Variants in TRPM3 observed in about 807,000 individuals in gnomAD.
TRPM3 encodes long transient receptor potential channel 3.
A neutral mutation model predicts 181.2 loss-of-function variants in TRPM3; 77 were observed. The observed-to-expected ratio is 0.42, with a 90% CI of 0.35 to 0.51. The LOEUF (loss-of-function observed/expected upper bound fraction) is 0.51. TRPM3 is among the 20% of genes least tolerant of loss of function. The pLI, the probability that TRPM3 is intolerant of heterozygous loss-of-function variation, is 0.01. For synonymous variants in TRPM3, 745 were observed against 796.4 expected, an observed-to-expected ratio of 0.94 and a Z score of 1.09; for missense variants, 1,759 against 2,196.7, an observed-to-expected ratio of 0.80 and a Z score of 3.98.
At chr9:71,403,320 C>T (rs1248485626) in intron 1 of TRPM3, among the ~76,000 whole-genome samples, 1 of 152,166 alleles carries the variant, frequency 6.6e-6, no homozygotes, top group Non-Finnish European at 1.5e-5. Context: ...TACCTTCTGG[C>T]TCTTTGCAGG....
At chr9:70,858,588 G>T (rs1352052422) in intron 3 of TRPM3, among the ~76,000 whole-genome samples, 1 of 151,994 alleles carries the variant, frequency 6.6e-6, no homozygotes, top group Admixed American at 6.6e-5. Context: ...TAAATATTCG[G>T]TAGTAATAAG....
chr9:70,948,584 T>C (rs1025290195), intron 1 of TRPM3, among the ~76,000 whole-genome samples: 9 of 152,334 alleles, frequency 5.9e-5, no homozygotes, highest in Admixed American at 3.9e-4. Flanking sequence ...TGAATGGATC[T>C]ACTAACAATT....
At chr9:70,827,248 C>T (rs1207826472) in intron 6 of TRPM3, 2 of 152,148 alleles carry the variant, frequency 1.3e-5, no homozygotes, top group African/African-American at 4.8e-5. Context: ...ACAGCTAGAT[C>T]GTTGCTAAGT....
intron 1 of TRPM3, among the ~76,000 whole-genome samples, chr9:70,945,899 T>C (rs2096927775): frequency 6.6e-6 from 1 of 151,924 alleles, no homozygotes; most frequent in South Asian, 2.1e-4. Flanking sequence ...GTTGAGGACA[T>C]TGGGTTTCAT....
intron 1 of TRPM3, among the ~76,000 whole-genome samples, chr9:71,386,450 GAA>G: frequency 7.4e-6 from 1 of 134,292 alleles, no homozygotes; most frequent in South Asian, 2.4e-4. Context: ...TCTGTCTTTT[GAA>G]AAAAAAAAAA....
At chr9:70,760,645 C>T (rs1159470155) in intron 8 of TRPM3, 1 of 149,772 alleles carries the variant, frequency 6.7e-6, no homozygotes, top group Non-Finnish European at 1.5e-5. Context: ...GGAGATGGGT[C>T]TTGCCCACTC....
At chr9:71,374,423 A>C (rs1174620063) in intron 1 of TRPM3, among the ~76,000 whole-genome samples, 2 of 152,014 alleles carry the variant, frequency 1.3e-5, no homozygotes, top group Admixed American at 1.3e-4. Context: ...CCACTCTCAA[A>C]CTATGTATTA....
intron 1 of TRPM3, among the ~76,000 whole-genome samples, chr9:71,071,930 A>G (rs909425758): frequency 6.6e-6 from 1 of 152,196 alleles, no homozygotes; most frequent in East Asian, 1.9e-4. Context: ...GAGACATCAC[A>G]GAAGTCCTCT....
At position 70,848,609 on chromosome 9, in the gene TRPM3, A is replaced by G. The variant is rs541149463; in HGVS notation, c.463-2018T>C. Reference sequence around the variant, plus strand: ...AAATAAAGACAGATCATGTACAAAGAATAGTCATTAGACTGAAGACCTACT... The same window carrying G: ...AAATAAAGACAGATCATGTACAAAGGATAGTCATTAGACTGAAGACCTACT... On this transcript the variant is annotated intron_variant, in intron 3 of 25. Coordinates refer to ENST00000677713, the MANE Select transcript of TRPM3 (RefSeq NM_001366145.2). Among the ~76,000 whole-genome samples the G allele has an allele frequency of 1.4e-4, 21 of 152,352 alleles. No individual in the cohort carries two copies. The South Asian group carries it at 2.5e-3, about 18-fold the overall frequency.
chr9:70,954,997 T>G (rs1241679365), intron 1 of TRPM3, among the ~76,000 whole-genome samples: 1 of 152,180 alleles, frequency 6.6e-6, no homozygotes, highest in African/African-American at 2.4e-5. Context: ...GCGAGTTACT[T>G]ACTTAGGTGT....
chr9:70,863,709 T>A (rs2095576201), intron 2 of TRPM3, among the ~76,000 whole-genome samples: 2 of 152,184 alleles, frequency 1.3e-5, no homozygotes. Context: ...ATGTCCTTCA[T>A]ACATTACTAT....
chr9:70,995,142 C>T (rs1290810773), intron 1 of TRPM3, among the ~76,000 whole-genome samples: 2 of 152,020 alleles, frequency 1.3e-5, no homozygotes, highest in Non-Finnish European at 2.9e-5. Context: ...ATTTTCTTGC[C>T]TTACACTAGG....
At chr9:70,868,944 T>G in intron 1 of TRPM3, 29 of 965,796 alleles carry the variant, frequency 3.0e-5, no homozygotes, top group Non-Finnish European at 3.4e-5. Context: ...GATCCAATAT[T>G]GAGAAGTTGA....
At chr9:70,583,122 G>T (rs1343555759) in intron 22 of TRPM3, among the ~76,000 whole-genome samples, 1 of 152,150 alleles carries the variant, frequency 6.6e-6, no homozygotes, top group Non-Finnish European at 1.5e-5. Flanking sequence ...AGTTTCTCTG[G>T]CTGCTTTTGT....
chr9:71,424,336 C>T (rs2093826536), intron 1 of TRPM3, among the ~76,000 whole-genome samples: 1 of 152,062 alleles, frequency 6.6e-6, no homozygotes, highest in Admixed American at 6.6e-5. Context: ...GATTGGGGTT[C>T]AGATTTCCAT....
chr9:71,191,655 T>C (rs1392731823), intron 1 of TRPM3, among the ~76,000 whole-genome samples: 1 of 151,762 alleles, frequency 6.6e-6, no homozygotes, highest in Non-Finnish European at 1.5e-5. Flanking sequence ...GCCTACAAGA[T>C]AAAAACCATT....
At chr9:70,878,384 C>T (rs1252366619) in intron 1 of TRPM3, among the ~76,000 whole-genome samples, 3 of 152,026 alleles carry the variant, frequency 2.0e-5, no homozygotes, top group Non-Finnish European at 2.9e-5. Context: ...GCCATCAGAG[C>T]TGTACTTACT....
At chr9:71,441,261 A>T (rs1332105843) in intron 1 of TRPM3, among the ~76,000 whole-genome samples, 2 of 152,136 alleles carry the variant, frequency 1.3e-5, no homozygotes, top group Admixed American at 1.3e-4. Context: ...AATCACAATA[A>T]CCAGAAAATA....
chr9:71,161,146 C>A lies in TRPM3; in HGVS notation c.183+285507G>T, dbSNP rs566964537. On this transcript the variant is annotated intron_variant, in intron 1 of 24. Transcript: ENST00000357533. ...TATTAGTCTTGGTTTTGTAAATATCCTTCAATTTACTTCTCACAGGTCTAA... is the reference window on the plus strand; with the variant it reads ...TATTAGTCTTGGTTTTGTAAATATCATTCAATTTACTTCTCACAGGTCTAA... 2.6e-5 allele frequency among the ~76,000 whole-genome samples: 4 copies of A among 152,164 alleles called. No homozygotes were observed. The East Asian group carries it at 7.7e-4, about 29-fold the overall frequency.
Sources: gnomAD v4.1 joint callset for allele counts (sites outside exome capture counted in the v4.1 genomes callset) on GRCh38, gnomAD v4.1.1 for gene constraint, MANE v1.5 for transcripts, NCBI Gene and HGNC (gene_info 2026-07-23, HGNC 2026-07-21) for gene names.